Variants in CSGALNACT1 observed in about 807,000 individuals in gnomAD.
CSGALNACT1 encodes the protein chondroitin sulfate N-acetylgalactosaminyltransferase 1.
Under a neutral mutation model 51.0 loss-of-function variants are expected in CSGALNACT1, and 52 were observed. That is an observed-to-expected ratio of 1.02 (90% confidence interval 0.82 to 1.29). The LOEUF (loss-of-function observed/expected upper bound fraction) is 1.29, where lower values mean the gene tolerates loss of function less well. Ranked by LOEUF, CSGALNACT1 falls within the 50% of genes most tolerant of loss-of-function variation. The pLI is 0.00. For missense variants in CSGALNACT1, 935 were observed against 679.2 expected (o/e 1.38, Z -4.19); for synonymous variants, 341 against 254.4 (o/e 1.34, Z -3.24).
intron 4 of CSGALNACT1, among the ~76,000 whole-genome samples, chr8:19,485,892 A>C (rs907510344): frequency 4.1e-5 from 6 of 145,618 alleles, no homozygotes; most frequent in African/African-American, 1.3e-4. Context: ...TCAACTTCCC[A>C]AGTAGCTGGG....
At chr8:19,440,311 A>C (rs2061105229) in intron 5 of CSGALNACT1, among the ~76,000 whole-genome samples, 1 of 152,124 alleles carries the variant, frequency 6.6e-6, no homozygotes, top group South Asian at 2.1e-4. Context: ...TGATGCAAAA[A>C]TCCTCAATAA....
chr8:19,478,985 T>A (rs1019335218), intron 4 of CSGALNACT1, among the ~76,000 whole-genome samples: 25 of 152,084 alleles, frequency 1.6e-4, no homozygotes, highest in African/African-American at 6.0e-4. Context: ...GCAGGATGAG[T>A]TCTTGAATGA....
At chr8:19,628,921 G>A (rs1271462851) in intron 1 of CSGALNACT1, among the ~76,000 whole-genome samples, 1 of 152,162 alleles carries the variant, frequency 6.6e-6, no homozygotes, top group Non-Finnish European at 1.5e-5. Flanking sequence ...CAAAGGCCTG[G>A]GAAGTGATCT....
intron 3 of CSGALNACT1, among the ~76,000 whole-genome samples, chr8:19,553,436 T>C (rs996070211): frequency 6.6e-6 from 1 of 151,816 alleles, no homozygotes; most frequent in Admixed American, 6.6e-5. Flanking sequence ...AAGCACTCTA[T>C]CTTCTGGCAT....
At chr8:19,471,661 G>A (rs1359117024) in intron 4 of CSGALNACT1, among the ~76,000 whole-genome samples, 1 of 152,140 alleles carries the variant, frequency 6.6e-6, no homozygotes, top group Non-Finnish European at 1.5e-5. Context: ...GTTACATTAT[G>A]GGGTCCAGGT....
chr8:19,722,676 G>T (rs1589697429), intron 1 of CSGALNACT1, among the ~76,000 whole-genome samples: 1 of 152,336 alleles, frequency 6.6e-6, no homozygotes, highest in African/African-American at 2.4e-5. Flanking sequence ...ATTGACCAGA[G>T]TCATGGATGG....
chr8:19,619,510 T>C (rs949110019), intron 1 of CSGALNACT1, among the ~76,000 whole-genome samples: 25 of 151,850 alleles, frequency 1.6e-4, no homozygotes, highest in Middle Eastern at 3.2e-3. Flanking sequence ...AGGTGAAGAC[T>C]GGAGGTGTGG....
At position 19,706,062 on chromosome 8, in the gene CSGALNACT1, C is replaced by A. The variant is rs372301394; in HGVS notation, c.-297+51788G>T. Among the ~76,000 whole-genome samples the A allele has an allele frequency of 7.3e-4, 111 of 152,224 alleles. No homozygotes were observed. The South Asian group carries it at 0.022, about 30-fold the overall frequency. On this transcript the variant is annotated intron_variant, in intron 1 of 1. Transcript: ENST00000517494. ...AACCCAGACATGGAAAAATACTAAT[C>A]AGATCAAATAAAAACTAAAATAGAT...
chr8:19,554,148 A>G (rs1345730946), intron 3 of CSGALNACT1, among the ~76,000 whole-genome samples: 5 of 152,184 alleles, frequency 3.3e-5, no homozygotes, highest in Non-Finnish European at 2.9e-5. Flanking sequence ...GGGAAATTTC[A>G]GAACTCAAAA....
At chr8:19,511,294 G>A (rs545455925) in intron 3 of CSGALNACT1, among the ~76,000 whole-genome samples, 1 of 152,360 alleles carries the variant, frequency 6.6e-6, no homozygotes, top group East Asian at 1.9e-4. Flanking sequence ...ATGGGGTCAG[G>A]AAGTGGTAGA....
At chr8:19,700,617 C>G (rs1200542172) in intron 1 of CSGALNACT1, among the ~76,000 whole-genome samples, 4 of 152,122 alleles carry the variant, frequency 2.6e-5, no homozygotes, top group Non-Finnish European at 4.4e-5. Flanking sequence ...ATCCCTGCAC[C>G]TACAATTGAT....
chr8:19,523,865 C>T (rs1230319860), intron 3 of CSGALNACT1, among the ~76,000 whole-genome samples: 1 of 152,008 alleles, frequency 6.6e-6, no homozygotes, highest in Non-Finnish European at 1.5e-5. Context: ...CAAAACAATG[C>T]CGTAGTTCAG....
At chr8:19,554,840 C>T (rs2089294118) in intron 3 of CSGALNACT1, among the ~76,000 whole-genome samples, 1 of 152,168 alleles carries the variant, frequency 6.6e-6, no homozygotes, top group South Asian at 2.1e-4. Context: ...ATCACTTGAA[C>T]CTGGGAGGCG....
intron 4 of CSGALNACT1, among the ~76,000 whole-genome samples, 163 bp from the exon 4 acceptor site, chr8:19,458,805 A>G (rs1220604875): frequency 2.0e-5 from 3 of 152,228 alleles, no homozygotes; most frequent in Admixed American, 6.5e-5. Context: ...AAAAATTCCA[A>G]AAGAAGTCAA....
intron 1 of CSGALNACT1, among the ~76,000 whole-genome samples, chr8:19,695,711 T>C (rs1237858029): frequency 6.6e-6 from 1 of 152,244 alleles, no homozygotes; most frequent in Non-Finnish European, 1.5e-5. Flanking sequence ...ATGGGTAATT[T>C]AGAAAGGCCT....
intron 1 of CSGALNACT1, among the ~76,000 whole-genome samples, chr8:19,709,110 G>C (rs944836493): frequency 1.3e-5 from 2 of 152,170 alleles, no homozygotes; most frequent in Non-Finnish European, 2.9e-5. Flanking sequence ...GCAAGATCAG[G>C]AAACAGGAAC....
At chr8:19,575,517 T>G (rs1433719031) in intron 3 of CSGALNACT1, among the ~76,000 whole-genome samples, 1 of 152,190 alleles carries the variant, frequency 6.6e-6, no homozygotes, top group Non-Finnish European at 1.5e-5. Flanking sequence ...GGTAAAACTT[T>G]CAATAGGAAA....
chr8:19,516,670 A>C (rs755471726), intron 3 of CSGALNACT1, among the ~76,000 whole-genome samples: 2 of 152,176 alleles, frequency 1.3e-5, no homozygotes, highest in Admixed American at 1.3e-4. Flanking sequence ...TCTTCGCAAC[A>C]TTCAAGTGTT....
At chr8:19,630,236 GTGTGTGTA>G (rs879768955) in intron 1 of CSGALNACT1, among the ~76,000 whole-genome samples, 2,083 of 127,620 alleles carry the variant, frequency 0.016, 21 homozygotes, top group African/African-American at 0.026. Flanking sequence ...GTGTGTGTGT[GTGTGTGTA>G]TGTGTGTGTG....
Sources: allele counts gnomAD v4.1 joint callset (sites outside exome capture counted in the v4.1 genomes callset), GRCh38; gene constraint gnomAD v4.1.1; transcripts MANE v1.5; gene names NCBI Gene and HGNC (gene_info 2026-07-23, HGNC 2026-07-21).